TNS3: variants seen among roughly 807,000 people sequenced by gnomAD.
The protein encoded by TNS3 is tensin-3.
In TNS3, 45 loss-of-function variants were observed where a neutral mutation model predicts 140.9. That is an observed-to-expected ratio of 0.32 (90% CI 0.25 to 0.41). The LOEUF is 0.41. Among genes scored for constraint, TNS3 ranks in the 10% least tolerant of loss-of-function variants. TNS3 has a pLI of 1.00. For synonymous variants in TNS3, 815 were observed against 788.4 expected, an observed-to-expected ratio of 1.03 and a Z score of -0.56; for missense variants, 1,716 against 1,906.7, an observed-to-expected ratio of 0.90 and a Z score of 1.86.
At chr7:47,299,387 A>C (rs1251364590) in intron 23 of TNS3, among the ~76,000 whole-genome samples, 1 of 149,822 alleles carries the variant, frequency 6.7e-6, no homozygotes, top group Non-Finnish European at 1.5e-5. Context: ...TGATCCTCCC[A>C]CCTCAGCTTC....
chr7:47,533,079 TAA>T (rs1369703984), intron 1 of TNS3, among the ~76,000 whole-genome samples: 1 of 138,240 alleles, frequency 7.2e-6, no homozygotes, highest in Non-Finnish European at 1.5e-5. Context: ...ATCTCAATTA[TAA>T]GTCAACAAAA....
At chr7:47,318,551 C>T (rs1183156351) in intron 20 of TNS3, among the ~76,000 whole-genome samples, 2 of 152,222 alleles carry the variant, frequency 1.3e-5, no homozygotes, top group South Asian at 2.1e-4. Context: ...TGAGGGTATG[C>T]AAAGCAGCAC....
chr7:47,497,279 C>T (rs1180571050), intron 3 of TNS3, among the ~76,000 whole-genome samples: 2 of 152,148 alleles, frequency 1.3e-5, no homozygotes, highest in Non-Finnish European at 1.5e-5. Context: ...TTTCCAGCAA[C>T]TGACACTGTA....
At chr7:47,416,598 G>A (rs527281117) in intron 10 of TNS3, among the ~76,000 whole-genome samples, 4 of 152,186 alleles carry the variant, frequency 2.6e-5, no homozygotes, top group Non-Finnish European at 2.9e-5. Context: ...CACAAGAGTC[G>A]CAGAGGACAG....
intron 1 of TNS3, among the ~76,000 whole-genome samples, chr7:47,565,247 T>C (rs1246406612): frequency 2.0e-5 from 3 of 151,506 alleles, no homozygotes; most frequent in Non-Finnish European, 4.4e-5. Flanking sequence ...CCGGCTAATT[T>C]TTTGTATTTT....
intron 1 of TNS3, among the ~76,000 whole-genome samples, chr7:47,568,911 G>T (rs751562779): frequency 6.6e-6 from 1 of 152,220 alleles, no homozygotes; most frequent in Non-Finnish European, 1.5e-5. Flanking sequence ...AACTTGTACC[G>T]GGACACACTA....
chr7:47,564,163 C>A (rs555419837), intron 1 of TNS3, among the ~76,000 whole-genome samples: 123 of 133,194 alleles, frequency 9.2e-4, no homozygotes, highest in Middle Eastern at 0.01. Context: ...CACTGCACTG[C>A]AGCCTGGGTG....
At chr7:47,429,541 GTA>G (rs1269097834) in intron 8 of TNS3, among the ~76,000 whole-genome samples, 1 of 152,090 alleles carries the variant, frequency 6.6e-6, no homozygotes, top group Non-Finnish European at 1.5e-5. Flanking sequence ...CTAATTTTTT[GTA>G]TTTTTAGTAG....
intron 8 of TNS3, among the ~76,000 whole-genome samples, chr7:47,433,346 C>T (rs1038292010): frequency 9.9e-5 from 15 of 152,174 alleles, no homozygotes; most frequent in African/African-American, 3.4e-4. Context: ...AATTTCTAAG[C>T]GTTTCAAAAA....
At chr7:47,399,962 C>T (rs1793061873) in intron 15 of TNS3, among the ~76,000 whole-genome samples, 1 of 149,758 alleles carries the variant, frequency 6.7e-6, no homozygotes, top group Admixed American at 6.6e-5. Flanking sequence ...TCAAGGAACT[C>T]GAACAAATCC....
chr7:47,377,499 T>A (rs1304519533), intron 16 of TNS3, among the ~76,000 whole-genome samples: 2 of 152,150 alleles, frequency 1.3e-5, no homozygotes, highest in Non-Finnish European at 2.9e-5. Flanking sequence ...AATATTTGCG[T>A]CTTGATAGTG....
chr7:47,311,531 A>C (rs1377292155), intron 20 of TNS3, among the ~76,000 whole-genome samples: 1 of 152,180 alleles, frequency 6.6e-6, no homozygotes, highest in Non-Finnish European at 1.5e-5. Flanking sequence ...TTAAGCATTC[A>C]GTTCATGATT....
At chr7:47,559,733 C>G (rs930115846) in intron 1 of TNS3, among the ~76,000 whole-genome samples, 2 of 152,160 alleles carry the variant, frequency 1.3e-5, no homozygotes, top group African/African-American at 4.8e-5. Flanking sequence ...CTGCACTCAC[C>G]TCCTTCCACT....
chr7:47,275,423 A>G lies in TNS3; in HGVS notation c.*2653T>C, dbSNP rs952208958. Reference sequence around the variant, plus strand: ...GTTCTTTTACTGAGTAGTTAGTAGGACCCTGGCTATAACATGCGTTGGGCA... The same window carrying G: ...GTTCTTTTACTGAGTAGTTAGTAGGGCCCTGGCTATAACATGCGTTGGGCA... On this transcript the variant is annotated 3_prime_UTR_variant, in exon 31 of 31. Coordinates refer to ENST00000311160, the MANE Select transcript of TNS3 (RefSeq NM_022748.12). The G allele has an allele frequency of 6.1e-6, 1 of 164,794 alleles. No individual in the cohort carries two copies. Among genetic ancestry groups the G allele is most frequent in the African/African-American group, 2.4e-5 (1 of 41,688 alleles). The allele number at this position is 164,794 out of a possible 1,614,324, so 10.2% of individuals were successfully genotyped here. A position where few individuals can be genotyped will look rare whatever the true frequency, so the allele number is the denominator to read the frequency against.
At position 47,437,689 on chromosome 7, in the gene TNS3, CTG is replaced by C. The variant is rs575285551; in HGVS notation, c.151-378_151-377del. On this transcript the variant is annotated intron_variant, in intron 6 of 30. Transcript: ENST00000311160. ...AACTAGTATTAAACCAGGCGATTTA[CTG>C]TGTTACTATTTTTTTTTAATTCTCA... Among the ~76,000 whole-genome samples, 415 of 149,396 alleles carry C rather than the reference CTG, an allele frequency of 2.8e-3. 1 individual carries two copies. Among genetic ancestry groups the C allele is most frequent in the African/African-American group, 9.6e-3 (392 of 40,790 alleles).
intron 16 of TNS3, among the ~76,000 whole-genome samples, chr7:47,392,612 A>C (rs977774141): frequency 6.6e-6 from 1 of 152,214 alleles, no homozygotes; most frequent in African/African-American, 2.4e-5. Flanking sequence ...AGCTCTGAAG[A>C]CTAAAGCCCT....
chr7:47,290,535 C>G (rs1202482301), intron 27 of TNS3, among the ~76,000 whole-genome samples: 1 of 152,018 alleles, frequency 6.6e-6, no homozygotes, highest in East Asian at 1.9e-4. Flanking sequence ...ACAAACAAGC[C>G]AAAGGCCTTT....
At chr7:47,516,898 A>T (rs1798795425) in intron 2 of TNS3, among the ~76,000 whole-genome samples, 2 of 152,120 alleles carry the variant, frequency 1.3e-5, no homozygotes, top group Non-Finnish European at 2.9e-5. Context: ...CCCCAACTCT[A>T]CTAAAACTAC....
intron 2 of TNS3, among the ~76,000 whole-genome samples, chr7:47,508,695 C>T (rs960905526): frequency 2.0e-5 from 3 of 152,222 alleles, no homozygotes; most frequent in African/African-American, 7.2e-5. Context: ...AGTGAATCAG[C>T]TGGGCTGTGT....
Sources: allele counts gnomAD v4.1 joint callset (sites outside exome capture counted in the v4.1 genomes callset), GRCh38; gene constraint gnomAD v4.1.1; transcripts MANE v1.5; gene names NCBI Gene and HGNC (gene_info 2026-07-23, HGNC 2026-07-21).